The following TRIM16 variants were observed in gnomAD, a reference collection of about 807,000 sequenced individuals.
TRIM16 encodes the protein tripartite motif-containing protein 16.
In TRIM16, 33 loss-of-function variants were observed where a neutral mutation model predicts 50.4. The observed-to-expected ratio is 0.65, with a 90% CI of 0.50 to 0.88. The LOEUF (loss-of-function observed/expected upper bound fraction) is 0.88, where lower values mean the gene tolerates loss of function less well. Among genes scored for constraint, TRIM16 ranks in the 40% least tolerant of loss-of-function variants. The pLI is 0.00. For synonymous variants in TRIM16, 229 were observed against 270.7 expected, an observed-to-expected ratio of 0.85 and a Z score of 1.51; for missense variants, 581 against 686.8, an observed-to-expected ratio of 0.85 and a Z score of 1.72.
At chr17:15,644,586 C>G (rs2150911101) in intron 7 of TRIM16, among the ~76,000 whole-genome samples, 1 of 152,264 alleles carries the variant, frequency 6.6e-6, no homozygotes, top group South Asian at 2.1e-4. Flanking sequence ...ACTTCCCTCC[C>G]TGGAGGAGAT....
rs1989251216 is a variant in TRIM16, at chr17:15,683,170, G to A, written c.-898-13C>T. 2 of 1,520,344 alleles carry A rather than the reference G, an allele frequency of 1.3e-6. No individual in the cohort carries two copies. Among genetic ancestry groups the A allele is most frequent in the African/African-American group, 1.4e-5 (1 of 72,146 alleles). The allele number at this position is 1,520,344 out of a possible 1,614,324, so 94.2% of individuals were successfully genotyped here. A position where few individuals can be genotyped will look rare whatever the true frequency, so the allele number is the denominator to read the frequency against. On this transcript the variant is annotated splice_polypyrimidine_tract_variant and intron_variant, in intron 1 of 11. Coordinates refer to ENST00000649191, the MANE Select transcript of TRIM16 (RefSeq NM_001348119.1). The stretch of plus-strand genomic sequence containing the variant: ...ATTCTACCAGAAACTGTGGTAAGAG[G>A]TTCTGGATTGAAGTTTTCCCCTTTT...
rs754299331 is a variant in TRIM16 at position 15,651,668 on chromosome 17, G to A, written c.-59C>T. ...TGTCCCTTGGCCCAGGATCTGTGCA[G>A]CCCAAGTCAGACAAGAGAACCACGC... On this transcript the variant is annotated 5_prime_UTR_variant, in exon 7 of 12. Transcript: ENST00000649191. The A allele has an allele frequency of 6.4e-7, 1 of 1,573,286 alleles. No individual in the cohort carries two copies. Among genetic ancestry groups the A allele is most frequent in the Non-Finnish European group, 8.6e-7 (1 of 1,161,108 alleles).
At position 15,651,947 on chromosome 17, in the gene TRIM16, C is replaced by T; in HGVS notation, c.-337-1G>A. The T allele has an allele frequency of 8.1e-7, 1 of 1,237,670 alleles. No individual in the cohort carries two copies. The highest frequency in any genetic ancestry group is 1.8e-5 in the South Asian group (1 of 55,900). The allele number at this position is 1,237,670 out of a possible 1,614,324, so 76.7% of individuals were successfully genotyped here. On this transcript the variant is annotated splice_acceptor_variant, in intron 6 of 11. Coordinates refer to ENST00000649191, the MANE Select transcript of TRIM16 (RefSeq NM_001348119.1). LOFTEE classifies it low-confidence loss of function (5UTR_SPLICE). ...AAGACCACGTGTCTCTGTGCCTGCT[C>T]TGGAAAGGACAGAAGATTCCTGAGC... is the stretch of plus-strand genomic sequence containing the variant.
At chr17:15,667,727 C>A (rs1988558797) in intron 6 of TRIM16, among the ~76,000 whole-genome samples, 1 of 152,110 alleles carries the variant, frequency 6.6e-6, no homozygotes, top group Non-Finnish European at 1.5e-5. Flanking sequence ...CTATATACCC[C>A]ACACCCAATA....
chr17:15,644,096 C>T (rs1310750634), intron 7 of TRIM16, among the ~76,000 whole-genome samples: 2 of 152,198 alleles, frequency 1.3e-5, no homozygotes, highest in African/African-American at 2.4e-5. Context: ...GTGACACCTC[C>T]GTGCCCTCTC....
intron 9 of TRIM16, among the ~76,000 whole-genome samples, chr17:15,633,432 T>C (rs1247152137): frequency 6.6e-6 from 1 of 150,796 alleles, no homozygotes; most frequent in African/African-American, 2.4e-5. Flanking sequence ...TTTAAATCAG[T>C]GGGAGAAAGG....
chr17:15,654,958 C>T (rs1261434117), intron 6 of TRIM16, among the ~76,000 whole-genome samples: 2 of 151,780 alleles, frequency 1.3e-5, no homozygotes, highest in South Asian at 2.1e-4. Flanking sequence ...ATAGCTGTCC[C>T]GTCATTGAAG....
chr17:15,681,137 C>G (rs115696541), intron 3 of TRIM16, 184 bp from the exon 4 acceptor site: 14,376 of 541,518 alleles, frequency 0.027, 363 homozygotes, highest in African/African-American at 0.082. Flanking sequence ...TGAACATAAA[C>G]TCAGGGAAAG....
Position 15,648,235 on chromosome 17 carries a change from A to C in TRIM16, c.519+2856T>G, listed in dbSNP as rs536726151. ...AGCGAGACTCCGTCTCAAAAAAAAA[A>C]AAAAACAAAAAACAAACAAACAAAC... On this transcript the variant is annotated intron_variant, in intron 7 of 11. Coordinates refer to ENST00000649191, the MANE Select transcript of TRIM16 (RefSeq NM_001348119.1). Among the ~76,000 whole-genome samples the C allele has an allele frequency of 1.2e-3, 180 of 148,998 alleles. 1 individual carries two copies. Among genetic ancestry groups the C allele is most frequent in the Middle Eastern group, 3.4e-3 (1 of 292 alleles).
intron 7 of TRIM16, among the ~76,000 whole-genome samples, chr17:15,643,572 G>T (rs1190622205): frequency 6.8e-6 from 1 of 146,998 alleles, no homozygotes; most frequent in African/African-American, 2.7e-5. Context: ...ATGTATACTA[G>T]GCTGTACCCC....
chr17:15,660,120 C>T (rs781306305), intron 6 of TRIM16, among the ~76,000 whole-genome samples: 3 of 152,172 alleles, frequency 2.0e-5, no homozygotes, highest in Non-Finnish European at 4.4e-5. Flanking sequence ...GAAAACCATC[C>T]CCTCCACCCT....
chr17:15,671,130 A>G (rs1988713182), intron 6 of TRIM16, among the ~76,000 whole-genome samples: 1 of 152,278 alleles, frequency 6.6e-6, no homozygotes, highest in Admixed American at 6.5e-5. Context: ...AGGAAGAGGA[A>G]TAAACTAGCA....
In TRIM16 at chr17:15,636,052, G is replaced by A; in HGVS notation, c.833C>T (p.Thr278Ile). Residue 278 changes from threonine (T) to isoleucine (I), a missense_variant, in exon 9 of 12, where the codon ACT becomes ATT. This residue lies in a region of TRIM16 where 450 missense variants were observed against 544.3 expected (regional missense o/e 0.83). Coordinates refer to ENST00000649191, the MANE Select transcript of TRIM16 (RefSeq NM_001348119.1). The stretch of plus-strand genomic sequence containing the variant: ...CCCCCATACCTCCAAGAACTGGACA[G>A]TGTTGCTGATGGCCGCCATCCTCTC... ...ELERMAAISNTVQFLEEYCKF... is the reference protein window; with the variant it reads ...ELERMAAISNIVQFLEEYCKF... The A allele has an allele frequency of 1.2e-6, 2 of 1,611,290 alleles. No individual in the cohort carries two copies. Among genetic ancestry groups the A allele is most frequent in the Non-Finnish European group, 1.7e-6 (2 of 1,179,404 alleles).
At chr17:15,638,386 C>T (rs558518623) in intron 8 of TRIM16, among the ~76,000 whole-genome samples, 3 of 148,188 alleles carry the variant, frequency 2.0e-5, no homozygotes, top group African/African-American at 7.5e-5. Context: ...TCCTGGCTAA[C>T]ATGGTGAAAC....
chr17:15,675,059 C>T (rs1161619421), intron 6 of TRIM16, among the ~76,000 whole-genome samples: 1 of 151,824 alleles, frequency 6.6e-6, no homozygotes, highest in Non-Finnish European at 1.5e-5. Context: ...TTGGCTTATT[C>T]CTGAGGCCAG....
chr17:15,658,181 T>C (rs1220746618), intron 6 of TRIM16, among the ~76,000 whole-genome samples: 2 of 152,086 alleles, frequency 1.3e-5, no homozygotes, highest in Non-Finnish European at 2.9e-5. Flanking sequence ...ATGGACAAAC[T>C]CTGAAAGTTA....
chr17:15,670,814 C>A (rs1424302756), intron 6 of TRIM16, among the ~76,000 whole-genome samples: 1 of 152,252 alleles, frequency 6.6e-6, no homozygotes, highest in African/African-American at 2.4e-5. Context: ...AGCAAAGAAT[C>A]CTAAGCCATG....
chr17:15,664,646 T>C (rs989501750), intron 6 of TRIM16, among the ~76,000 whole-genome samples: 3 of 152,178 alleles, frequency 2.0e-5, no homozygotes, highest in African/African-American at 4.8e-5. Context: ...GACTACGTCC[T>C]AGGAAAATGC....
At chr17:15,683,950 A>G (rs1263541190) in intron 1 of TRIM16, 4 of 152,188 alleles carry the variant, frequency 2.6e-5, no homozygotes, top group South Asian at 4.1e-4. Context: ...GCTCCAGGGT[A>G]TGCGGGCCCT....
Sources: gnomAD v4.1 joint callset for allele counts (sites outside exome capture counted in the v4.1 genomes callset) on GRCh38, gnomAD v4.1.1 for gene constraint, gnomAD v4.1.1 regional missense constraint, MANE v1.5 for transcripts, NCBI Gene and HGNC (gene_info 2026-07-23, HGNC 2026-07-21) for gene names.